USP7: variants seen among roughly 807,000 people sequenced by gnomAD.
USP7 encodes ubiquitin specific peptidase 7.
A neutral mutation model predicts 162.9 loss-of-function variants in USP7; 9 were observed. The ratio of observed to expected loss-of-function variants is 0.06; its 90% CI spans 0.03 to 0.10. USP7 has a LOEUF of 0.10. USP7 is among the 10% of genes least tolerant of loss of function. The probability of loss-of-function intolerance (pLI) is 1.00; values close to 1 mark genes in which losing one functional copy is unlikely to be tolerated. For missense variants in USP7, 715 were observed against 1,373.7 expected, an observed-to-expected ratio of 0.52 and a Z score of 7.58; for synonymous variants, 562 against 475.9, an observed-to-expected ratio of 1.18 and a Z score of -2.35.
intron 3 of USP7, among the ~76,000 whole-genome samples, chr16:8,922,624 T>C (rs959582172): frequency 3.3e-5 from 5 of 152,220 alleles, no homozygotes; most frequent in Non-Finnish European, 1.5e-5. Context: ...CAGCTTCCCC[T>C]GGTTCCAACT....
At chr16:8,921,902 T>G (rs39863) in intron 3 of USP7, among the ~76,000 whole-genome samples, 1 of 152,190 alleles carries the variant, frequency 6.6e-6, no homozygotes, top group Non-Finnish European at 1.5e-5. Flanking sequence ...GTTTGCGATT[T>G]AAGTGGGGCC....
rs769192378 is a variant in USP7, at chr16:8,920,440, G to T, written c.530C>A (p.Thr177Asn). 1.5e-5 allele frequency: 24 copies of T among 1,611,428 alleles called. No individual in the cohort carries two copies. In the African/African-American group the frequency reaches 2.4e-4, roughly 16 times the overall value. The change falls in exon 5 of 31, where the codon ACC becomes AAC. Residue 177 changes from threonine to asparagine, a missense_variant. Physicochemically the swap from Thr to Asn is moderately conservative, Grantham distance 65 (BLOSUM62 0). Transcript: ENST00000344836. ...ATCTATAAATCCTTTCTCAGGATCGGTCACTTCCTATAAAACATAAATAAG... is the reference window on the plus strand; with the variant it reads ...ATCTATAAATCCTTTCTCAGGATCGTTCACTTCCTATAAAACATAAATAAG... ...FSNFMAWSEV[T>N]DPEKGFIDDD...
rs193198593 is a variant in USP7, at chr16:8,957,042, T to C, written c.79+6165A>G. On this transcript the variant is annotated intron_variant, in intron 1 of 30. Coordinates refer to ENST00000344836, the MANE Select transcript of USP7 (RefSeq NM_003470.3). ...CATCACTGAATTCTGGAAGCATCCC[T>C]GCTCTGGCTCAGGTTGGTGTATTTC... Among the ~76,000 whole-genome samples, 3 of 152,334 alleles carry C rather than the reference T, an allele frequency of 2.0e-5. No individual in the cohort carries two copies. The East Asian group carries it at 5.8e-4, about 29-fold the overall frequency.
At chr16:8,947,312 T>C (rs1046458667) in intron 1 of USP7, among the ~76,000 whole-genome samples, 2 of 152,132 alleles carry the variant, frequency 1.3e-5, no homozygotes, top group African/African-American at 4.8e-5. Flanking sequence ...TATACAACAT[T>C]ACCATGTGCT....
At chr16:8,910,669 T>C in intron 11 of USP7, 76 bp downstream of exon 11, 1 of 1,390,274 alleles carries the variant, frequency 7.2e-7, no homozygotes. Context: ...CAAGCAAATT[T>C]TTATTTAGCA....
At chr16:8,961,237 A>C (rs1177126410) in intron 1 of USP7, among the ~76,000 whole-genome samples, 4 of 152,086 alleles carry the variant, frequency 2.6e-5, no homozygotes, top group African/African-American at 4.8e-5. Context: ...TCACACCTGT[A>C]ATCTCAGCAG....
chr16:8,894,379 G>C (rs1463841809), intron 30 of USP7, among the ~76,000 whole-genome samples, 171 bp downstream of exon 30: 1 of 152,142 alleles, frequency 6.6e-6, no homozygotes, highest in Non-Finnish European at 1.5e-5. Context: ...AGGATGTAAG[G>C]ACCTGTTAAG....
intron 1 of USP7, among the ~76,000 whole-genome samples, chr16:8,934,056 C>T (rs1156645579): frequency 6.6e-6 from 1 of 152,206 alleles, no homozygotes; most frequent in African/African-American, 2.4e-5. Flanking sequence ...CCACGCCTGG[C>T]CTATAAATCT....
intron 13 of USP7, 142 bp from the exon 14 acceptor site, chr16:8,905,473 C>A: frequency 9.7e-7 from 1 of 1,029,110 alleles, no homozygotes; most frequent in Non-Finnish European, 1.4e-6. Context: ...CTTATACAGG[C>A]ACACAATCTG....
At chr16:8,913,270 CA>C (rs2061976856) in intron 10 of USP7, among the ~76,000 whole-genome samples, 2 of 152,168 alleles carry the variant, frequency 1.3e-5, no homozygotes, top group Non-Finnish European at 2.9e-5. Flanking sequence ...GCAGGAGAAT[CA>C]CTTGAGCCCA....
chr16:8,914,878 C>T (rs769280580), intron 10 of USP7, among the ~76,000 whole-genome samples: 1 of 152,162 alleles, frequency 6.6e-6, no homozygotes, highest in Non-Finnish European at 1.5e-5. Context: ...ATGGTTGCAC[C>T]CCAGCCTGTA....
At position 8,940,742 on chromosome 16, in the gene USP7, C is replaced by T. The variant is rs62031304; in HGVS notation, c.80-10345G>A. Among the ~76,000 whole-genome samples, 955 of 152,258 alleles carry T rather than the reference C, an allele frequency of 6.3e-3. 6 individuals are homozygous for T. The highest frequency in any genetic ancestry group is 0.02 in the Middle Eastern group (6 of 294). On this transcript the variant is annotated intron_variant, in intron 1 of 30. Coordinates refer to ENST00000344836, the MANE Select transcript of USP7 (RefSeq NM_003470.3). ...TGTGGAGTGAGATCAATCCCCTCTG[C>T]GAGGCCTCTCCTAGGTGAAGCTCAA...
intron 7 of USP7, 91 bp from the exon 8 acceptor site, chr16:8,916,647 A>G: frequency 8.0e-7 from 1 of 1,249,816 alleles, no homozygotes; most frequent in Non-Finnish European, 1.1e-6. Flanking sequence ...TAAACTGGAT[A>G]ATCAGCTATT....
intron 26 of USP7, among the ~76,000 whole-genome samples, chr16:8,896,286 T>C (rs894016590): frequency 6.6e-6 from 1 of 152,166 alleles, no homozygotes; most frequent in African/African-American, 2.4e-5. Flanking sequence ...CACAGAGATG[T>C]ACAGACTGGG....
chr16:8,916,652 G>T, intron 7 of USP7, 96 bp from the exon 8 acceptor site: 2 of 1,193,196 alleles, frequency 1.7e-6, no homozygotes, highest in Non-Finnish European at 2.4e-6. Flanking sequence ...TGGATAATCA[G>T]CTATTATTCT....
chr16:8,941,121 G>A (rs944760618), intron 1 of USP7, among the ~76,000 whole-genome samples: 1 of 152,088 alleles, frequency 6.6e-6, no homozygotes, highest in Non-Finnish European at 1.5e-5. Context: ...AATTCACATG[G>A]GGCCCATGCC....
chr16:8,948,267 C>T (rs1567244866), intron 1 of USP7, among the ~76,000 whole-genome samples: 1 of 152,232 alleles, frequency 6.6e-6, no homozygotes, highest in Non-Finnish European at 1.5e-5. Flanking sequence ...ACTGCAGCCT[C>T]AACTTCCTGG....
intron 1 of USP7, among the ~76,000 whole-genome samples, chr16:8,939,304 T>C (rs1256711578): frequency 6.6e-6 from 1 of 152,168 alleles, no homozygotes; most frequent in Non-Finnish European, 1.5e-5. Context: ...CCTCATATGT[T>C]CTGCATCTCT....
At chr16:8,937,771 C>T (rs1004214583) in intron 1 of USP7, among the ~76,000 whole-genome samples, 1 of 152,076 alleles carries the variant, frequency 6.6e-6, no homozygotes, top group African/African-American at 2.4e-5. Flanking sequence ...CAATTCAAGG[C>T]AGACAAAAAA....
Sources: gnomAD v4.1 joint callset for allele counts (sites outside exome capture counted in the v4.1 genomes callset) on GRCh38, gnomAD v4.1.1 for gene constraint, MANE v1.5 for transcripts, NCBI Gene and HGNC (gene_info 2026-07-23, HGNC 2026-07-21) for gene names.